Variants in TMEM132B observed in about 807,000 individuals in gnomAD.
The protein encoded by TMEM132B is transmembrane protein 132B.
Under a neutral mutation model 90.8 loss-of-function variants are expected in TMEM132B, and 18 were observed. The ratio of observed to expected loss-of-function variants is 0.20; its 90% CI spans 0.14 to 0.29. TMEM132B has a LOEUF of 0.29. Among genes scored for constraint, TMEM132B ranks in the 10% least tolerant of loss-of-function variants. The pLI is 1.00. For missense variants in TMEM132B, 1,096 were observed against 1,326.8 expected, an observed-to-expected ratio of 0.83 and a Z score of 2.70; for synonymous variants, 504 against 523.3, an observed-to-expected ratio of 0.96 and a Z score of 0.50.
chr12:125,372,951 GTC>G (rs1471207113), intron 2 of TMEM132B, among the ~76,000 whole-genome samples: 1 of 152,140 alleles, frequency 6.6e-6, no homozygotes, highest in Non-Finnish European at 1.5e-5. Flanking sequence ...TGCAGAGCTG[GTC>G]TCTCCTTGCC....
chr12:125,317,974 G>A (rs1876329357), intron 1 of TMEM132B, among the ~76,000 whole-genome samples: 1 of 152,198 alleles, frequency 6.6e-6, no homozygotes, highest in Non-Finnish European at 1.5e-5. Context: ...GCAGGAGAAT[G>A]GATCCATATG....
At position 125,658,623 on chromosome 12, in the gene TMEM132B, G is replaced by C. The variant is rs1181366123; in HGVS notation, c.*3913G>C. 1 of 152,244 alleles carries C rather than the reference G, an allele frequency of 6.6e-6. No individual in the cohort carries two copies. The highest frequency in any genetic ancestry group is 1.9e-4 in the East Asian group (1 of 5,204). 9.4% of individuals were successfully genotyped at this position (152,244 alleles called of 1,614,324 possible). On this transcript the variant is annotated 3_prime_UTR_variant, in exon 9 of 9. Transcript: ENST00000682704. ...ACCTGTCATGTAAAGGGACGGTATGGATGGTGGAAAAGTTATGCTAAAATA... is the reference window on the plus strand; with the variant it reads ...ACCTGTCATGTAAAGGGACGGTATGCATGGTGGAAAAGTTATGCTAAAATA...
chr12:125,249,328 G>A (rs1874268380), intron 1 of TMEM132B, among the ~76,000 whole-genome samples: 1 of 152,074 alleles, frequency 6.6e-6, no homozygotes, highest in Non-Finnish European at 1.5e-5. Flanking sequence ...GTTCCCAGAC[G>A]CTGCAGGTGC....
At chr12:125,604,501 G>A (rs77671066) in intron 5 of TMEM132B, among the ~76,000 whole-genome samples, 2,229 of 152,094 alleles carry the variant, frequency 0.015, 58 homozygotes, top group African/African-American at 0.05. Context: ...ATGCATGCAG[G>A]GCTTAAAACC....
intron 2 of TMEM132B, among the ~76,000 whole-genome samples, chr12:125,401,927 C>T (rs1593124569): frequency 6.6e-6 from 1 of 152,114 alleles, no homozygotes; most frequent in Non-Finnish European, 1.5e-5. Flanking sequence ...CCGATCTGTG[C>T]ACTTTGAACA....
At chr12:125,533,674 C>T (rs1475303664) in intron 4 of TMEM132B, among the ~76,000 whole-genome samples, 1 of 152,178 alleles carries the variant, frequency 6.6e-6, no homozygotes, top group Non-Finnish European at 1.5e-5. Flanking sequence ...GCGCCCTCCC[C>T]TCCCCGGCGG....
At chr12:125,368,065 A>G (rs1878184812) in intron 2 of TMEM132B, among the ~76,000 whole-genome samples, 1 of 152,150 alleles carries the variant, frequency 6.6e-6, no homozygotes, top group Non-Finnish European at 1.5e-5. Flanking sequence ...TCATCATCTA[A>G]TTAGAGTTGA....
At chr12:125,262,975 C>T (rs1874602315) in intron 1 of TMEM132B, among the ~76,000 whole-genome samples, 1 of 152,188 alleles carries the variant, frequency 6.6e-6, no homozygotes, top group Non-Finnish European at 1.5e-5. Flanking sequence ...GCCCCTTGAG[C>T]ATGGAGTGGA....
intron 1 of TMEM132B, among the ~76,000 whole-genome samples, chr12:125,323,509 C>CCTTG (rs1876483508): frequency 6.6e-6 from 1 of 151,036 alleles, no homozygotes; most frequent in Admixed American, 6.6e-5. Flanking sequence ...CTCTCAGCTT[C>CCTTG]TTTGTTTGTT....
At chr12:125,371,110 G>A (rs1878280933) in intron 2 of TMEM132B, among the ~76,000 whole-genome samples, 1 of 150,714 alleles carries the variant, frequency 6.6e-6, no homozygotes, top group South Asian at 2.1e-4. Context: ...TCTGATGTTC[G>A]AGGGTAGGAA....
At chr12:125,585,659 G>A (rs1044745105) in intron 5 of TMEM132B, 15 of 152,336 alleles carry the variant, frequency 9.8e-5, no homozygotes, top group African/African-American at 3.1e-4. Context: ...AGAGGGGCAG[G>A]TCCAAGTTCA....
chr12:125,232,399 C>G (rs1174659099), intron 1 of TMEM132B, among the ~76,000 whole-genome samples: 1 of 151,578 alleles, frequency 6.6e-6, no homozygotes, highest in Admixed American at 6.6e-5. Context: ...ATATTCTCTT[C>G]TAAGAATATC....
intron 1 of TMEM132B, among the ~76,000 whole-genome samples, chr12:125,194,544 G>A (rs1270566225): frequency 1.3e-5 from 2 of 152,138 alleles, no homozygotes; most frequent in South Asian, 2.1e-4. Flanking sequence ...CCTGGCTCCC[G>A]GAGTCTGCGG....
In TMEM132B at chr12:125,654,263, G is replaced by A. The variant is rs1300445089; in HGVS notation, c.2805G>A (p.Arg935=). The change falls in exon 9 of 9, where the codon AGG becomes AGA. Residue 935 remains arginine (R), a synonymous_variant. Transcript: ENST00000682704. The surrounding 1 kb of genome is among the most constrained non-coding windows in gnomAD (Gnocchi z 5.8). ...VAFAWKYRHK[R]FAVSEQGNIP... ...TTGCCTGGAAATACAGACACAAAAG[G>A]TTTGCTGTGAGTGAGCAGGGCAACA... 3.1e-6 allele frequency: 5 copies of A among 1,613,978 alleles called. No individual in the cohort carries two copies. The highest frequency in any genetic ancestry group is 4.2e-6 in the Non-Finnish European group (5 of 1,180,048).
At chr12:125,594,604 G>T (rs773820433) in intron 5 of TMEM132B, among the ~76,000 whole-genome samples, 2 of 152,022 alleles carry the variant, frequency 1.3e-5, no homozygotes, top group Non-Finnish European at 2.9e-5. Context: ...TGTAATTTTG[G>T]TTTTAATTTG....
chr12:125,416,644 G>T (rs1417621962), intron 3 of TMEM132B, among the ~76,000 whole-genome samples: 1 of 152,230 alleles, frequency 6.6e-6, no homozygotes, highest in Non-Finnish European at 1.5e-5. Context: ...GGTGACCCCA[G>T]CCAACCCCAG....
intron 3 of TMEM132B, among the ~76,000 whole-genome samples, chr12:125,479,421 A>G (rs1168344428): frequency 1.1e-4 from 17 of 152,238 alleles, no homozygotes; most frequent in Admixed American, 1.0e-3. Context: ...AGGAAGATCT[A>G]CTAAGCAAAT....
intron 3 of TMEM132B, among the ~76,000 whole-genome samples, chr12:125,485,355 C>A (rs1381338659): frequency 6.6e-6 from 1 of 152,124 alleles, no homozygotes; most frequent in Non-Finnish European, 1.5e-5. Flanking sequence ...TTCTATTTGT[C>A]CTTCACTTTC....
intron 3 of TMEM132B, among the ~76,000 whole-genome samples, chr12:125,516,181 A>G (rs191192213): frequency 2.0e-5 from 3 of 152,060 alleles, no homozygotes; most frequent in Non-Finnish European, 4.4e-5. Context: ...ACTCACATAC[A>G]CTATCGCACT....
Sources: allele counts gnomAD v4.1 joint callset (sites outside exome capture counted in the v4.1 genomes callset), GRCh38; gene constraint gnomAD v4.1.1; non-coding constraint Gnocchi (gnomAD v3.1); transcripts MANE v1.5; gene names NCBI Gene and HGNC (gene_info 2026-07-23, HGNC 2026-07-21).